KCTD16: variants seen among roughly 807,000 people sequenced by gnomAD.
The protein encoded by KCTD16 is BTB/POZ domain-containing protein KCTD16.
Under a neutral mutation model 33.2 loss-of-function variants are expected in KCTD16, and 13 were observed. The ratio of observed to expected loss-of-function variants is 0.39; its 90% CI spans 0.25 to 0.62. KCTD16 has a LOEUF of 0.62. KCTD16 is among the 20% of genes least tolerant of loss of function. KCTD16 has a pLI of 0.50. For synonymous variants in KCTD16, 197 were observed against 195.3 expected, an observed-to-expected ratio of 1.01 and a Z score of -0.07; for missense variants, 441 against 525.1, an observed-to-expected ratio of 0.84 and a Z score of 1.57.
intron 3 of KCTD16, among the ~76,000 whole-genome samples, chr5:144,219,165 TG>T (rs1753655793): frequency 6.6e-6 from 1 of 152,216 alleles, no homozygotes; most frequent in African/African-American, 2.4e-5. Flanking sequence ...TTGTTAGCTT[TG>T]TTTTCATCAG....
intron 3 of KCTD16, among the ~76,000 whole-genome samples, chr5:144,269,433 G>A (rs1307960539): frequency 6.6e-6 from 1 of 151,674 alleles, no homozygotes; most frequent in African/African-American, 2.4e-5. Context: ...AAAACAAGGG[G>A]GTGATATATT....
intron 3 of KCTD16, among the ~76,000 whole-genome samples, chr5:144,270,083 G>A (rs1278569098): frequency 2.0e-5 from 3 of 151,848 alleles, no homozygotes. Flanking sequence ...GGTGAAAAAA[G>A]CCATAAAGTA....
At chr5:144,426,417 C>A (rs1044425946) in intron 3 of KCTD16, among the ~76,000 whole-genome samples, 1 of 152,086 alleles carries the variant, frequency 6.6e-6, no homozygotes, top group African/African-American at 2.4e-5. Context: ...CCAGAATCAC[C>A]CTTAATGCTT....
Position 144,479,772 on chromosome 5 carries a change from A to G in KCTD16, c.*5658A>G, listed in dbSNP as rs1315436570. ...AATTTTGTTGCCAATTAGGTAAAAA[A>G]TGTTAAGTTCCCAGACTGTCATCCT... On this transcript the variant is annotated 3_prime_UTR_variant, in exon 4 of 4. Transcript: ENST00000512467. 1.3e-5 allele frequency: 2 copies of G among 151,952 alleles called. No homozygotes were observed. The highest frequency in any genetic ancestry group is 4.8e-5 in the African/African-American group (2 of 41,414). The allele number at this position is 151,952 out of a possible 1,614,324, so 9.4% of individuals were successfully genotyped here.
At chr5:144,229,676 T>G (rs868618073) in intron 3 of KCTD16, among the ~76,000 whole-genome samples, 1 of 152,190 alleles carries the variant, frequency 6.6e-6, no homozygotes. Flanking sequence ...GAATCTGGTT[T>G]GTAAGATTCA....
intron 3 of KCTD16, among the ~76,000 whole-genome samples, chr5:144,212,075 A>C (rs1753411896): frequency 6.6e-6 from 1 of 152,202 alleles, no homozygotes; most frequent in East Asian, 1.9e-4. Context: ...AGTGTTCTTA[A>C]GATTTGAAGC....
chr5:144,383,365 G>A (rs1371909530), intron 3 of KCTD16, among the ~76,000 whole-genome samples: 1 of 151,980 alleles, frequency 6.6e-6, no homozygotes, highest in East Asian at 1.9e-4. Flanking sequence ...TCACTCCCTG[G>A]CTCAGCTTTT....
intron 3 of KCTD16, among the ~76,000 whole-genome samples, chr5:144,389,968 C>T (rs1350412855): frequency 6.6e-6 from 1 of 152,202 alleles, no homozygotes; most frequent in African/African-American, 2.4e-5. Flanking sequence ...TGGATTCCAG[C>T]ATGTAGACTG....
intron 3 of KCTD16, among the ~76,000 whole-genome samples, chr5:144,282,683 G>T (rs1755639059): frequency 6.6e-6 from 1 of 152,104 alleles, no homozygotes; most frequent in African/African-American, 2.4e-5. Flanking sequence ...AAGCACTTTG[G>T]TTTTTCCTAT....
At chr5:144,260,736 G>A (rs2398722) in intron 3 of KCTD16, among the ~76,000 whole-genome samples, 35 of 151,714 alleles carry the variant, frequency 2.3e-4, no homozygotes, top group Admixed American at 1.0e-3. Context: ...ATGGTTGCCT[G>A]TTTTTTTTGT....
At chr5:144,325,819 C>G (rs1752191386) in intron 3 of KCTD16, among the ~76,000 whole-genome samples, 1 of 152,110 alleles carries the variant, frequency 6.6e-6, no homozygotes, top group African/African-American at 2.4e-5. Flanking sequence ...TGATTGTGAA[C>G]TTAGGAACTG....
intron 3 of KCTD16, among the ~76,000 whole-genome samples, chr5:144,436,341 C>T (rs568321002): frequency 1.3e-5 from 2 of 152,250 alleles, no homozygotes; most frequent in South Asian, 4.2e-4. Flanking sequence ...GCATGCTCCA[C>T]TTAGGATTTA....
chr5:144,252,784 G>C (rs1194581633), intron 3 of KCTD16, among the ~76,000 whole-genome samples: 1 of 151,576 alleles, frequency 6.6e-6, no homozygotes, highest in Non-Finnish European at 1.5e-5. Context: ...GGACGCTGGT[G>C]TCAGGAAAGT....
chr5:144,202,081 C>T (rs533210231), intron 2 of KCTD16, among the ~76,000 whole-genome samples: 5 of 152,332 alleles, frequency 3.3e-5, no homozygotes, highest in East Asian at 1.9e-4. Flanking sequence ...ACCTAACATA[C>T]GTCTTGATTT....
At chr5:144,357,067 TA>T (rs1488898023) in intron 3 of KCTD16, among the ~76,000 whole-genome samples, 2 of 152,178 alleles carry the variant, frequency 1.3e-5, no homozygotes, top group African/African-American at 4.8e-5. Context: ...CCTTTGAACC[TA>T]AGGAAAAGGA....
chr5:144,417,892 G>A (rs993031322), intron 3 of KCTD16, among the ~76,000 whole-genome samples: 1 of 152,148 alleles, frequency 6.6e-6, no homozygotes, highest in Non-Finnish European at 1.5e-5. Context: ...TGGTCTTGCT[G>A]ACTTCAAGAA....
chr5:144,217,760 A>T (rs547637775), intron 3 of KCTD16, among the ~76,000 whole-genome samples: 1 of 152,176 alleles, frequency 6.6e-6, no homozygotes, highest in African/African-American at 2.4e-5. Context: ...TCTGCCAGGG[A>T]AGTGATTAAC....
chr5:144,295,934 T>C (rs1453628329), intron 3 of KCTD16, among the ~76,000 whole-genome samples: 4 of 152,184 alleles, frequency 2.6e-5, no homozygotes, highest in Non-Finnish European at 5.9e-5. Flanking sequence ...GAAAGGAACA[T>C]AATCTGGCAA....
chr5:144,343,414 T>C (rs1353205572), intron 3 of KCTD16, among the ~76,000 whole-genome samples: 4 of 152,174 alleles, frequency 2.6e-5, no homozygotes, highest in African/African-American at 7.2e-5. Context: ...TCTGTGGGAT[T>C]GGTGGTGATA....
Sources: gnomAD v4.1 joint callset for allele counts (sites outside exome capture counted in the v4.1 genomes callset) on GRCh38, gnomAD v4.1.1 for gene constraint, MANE v1.5 for transcripts, NCBI Gene and HGNC (gene_info 2026-07-23, HGNC 2026-07-21) for gene names.